SLC15A1: variants seen among roughly 807,000 people sequenced by gnomAD.
SLC15A1 encodes the protein Caco-2 oligopeptide transporter.
A neutral mutation model predicts 92.9 loss-of-function variants in SLC15A1; 83 were observed. That is an observed-to-expected ratio of 0.89 (90% confidence interval 0.75 to 1.07). SLC15A1 has a LOEUF of 1.07. Among genes scored for constraint, SLC15A1 ranks in the 50% least tolerant of loss-of-function variants. The pLI is 0.00. For missense variants in SLC15A1, 857 were observed against 880.1 expected (o/e 0.97, Z 0.33); for synonymous variants, 322 against 318.2 (o/e 1.01, Z -0.13).
At chr13:98,741,833 A>T (rs1322976798) in intron 1 of SLC15A1, among the ~76,000 whole-genome samples, 1 of 152,170 alleles carries the variant, frequency 6.6e-6, no homozygotes, top group Non-Finnish European at 1.5e-5. Context: ...TAAACACAGA[A>T]CATGCTGATG....
intron 4 of SLC15A1, among the ~76,000 whole-genome samples, chr13:98,725,069 G>T (rs1036688409): frequency 1.3e-5 from 2 of 152,080 alleles, no homozygotes; most frequent in Non-Finnish European, 2.9e-5. Flanking sequence ...GTTGAAAAGA[G>T]CCTGACACTT....
At chr13:98,710,808 CAAAAAAA>C (rs4646225) in intron 11 of SLC15A1, among the ~76,000 whole-genome samples, 5 of 71,678 alleles carry the variant, frequency 7.0e-5, no homozygotes, top group Admixed American at 1.9e-4. Flanking sequence ...ACTCTTGACT[CAAAAAAA>C]AAAAAAAAAA....
At chr13:98,687,553 T>C (rs773246276) in intron 21 of SLC15A1, 28 bp downstream of exon 21, 6 of 1,610,714 alleles carry the variant, frequency 3.7e-6, no homozygotes, top group Admixed American at 1.7e-5. Context: ...GTATTGCAGA[T>C]GGGTGGTAAA....
chr13:98,715,729 G>C (rs2297321), intron 9 of SLC15A1, 149 bp downstream of exon 9: 81,703 of 622,272 alleles, frequency 0.13, 7,770 homozygotes, highest in African/African-American at 0.38. Context: ...GTGTCTTTTT[G>C]CATTTAGAAG....
rs182164816 is a variant in SLC15A1 at position 98,749,208 on chromosome 13, C to T, written c.4+3387G>A. Among the ~76,000 whole-genome samples, 47 of 152,216 alleles carry T rather than the reference C, an allele frequency of 3.1e-4. 1 individual carries two copies. Among genetic ancestry groups the T allele is most frequent in the African/African-American group, 1.0e-3 (42 of 41,534 alleles). ...AGGAGGAGGAGAGAATGTGGAGGGA[C>T]GCACCAGGTGTGAGGGACCTTCACA... On this transcript the variant is annotated intron_variant, in intron 1 of 22. Coordinates refer to ENST00000376503, the MANE Select transcript of SLC15A1 (RefSeq NM_005073.4).
At chr13:98,726,324 C>T (rs756760866) in intron 3 of SLC15A1, 44 bp downstream of exon 3, 1 of 1,613,772 alleles carries the variant, frequency 6.2e-7, no homozygotes, top group South Asian at 1.1e-5. Context: ...GTTATGGCCA[C>T]TCCCGCTCTT....
intron 1 of SLC15A1, among the ~76,000 whole-genome samples, chr13:98,746,613 T>C (rs962022700): frequency 6.6e-6 from 1 of 152,248 alleles, no homozygotes; most frequent in Non-Finnish European, 1.5e-5. Context: ...TAAAATCTTG[T>C]CACTAGGGGC....
chr13:98,726,503 G>A (rs544876483), intron 2 of SLC15A1, 54 bp from the exon 3 acceptor site: 2 of 1,519,250 alleles, frequency 1.3e-6, no homozygotes, highest in East Asian at 4.7e-5. Context: ...CTGGTCCATA[G>A]CCACAAAGGA....
chr13:98,689,191 C>T (rs937657542), intron 18 of SLC15A1, among the ~76,000 whole-genome samples: 4 of 152,238 alleles, frequency 2.6e-5, no homozygotes, highest in Admixed American at 6.5e-5. Context: ...CTGCCCACCT[C>T]GGCCTCCCAA....
chr13:98,704,162 A>G, intron 17 of SLC15A1, 127 bp downstream of exon 17: 1 of 843,406 alleles, frequency 1.2e-6, no homozygotes, highest in Non-Finnish European at 1.8e-6. Context: ...GTGTTCCAGA[A>G]GAAGGAAGAA....
chr13:98,725,305 C>T (rs1466703129), intron 4 of SLC15A1, among the ~76,000 whole-genome samples: 1 of 152,210 alleles, frequency 6.6e-6, no homozygotes, highest in African/African-American at 2.4e-5. Flanking sequence ...CACGTCATTC[C>T]TTTGGCCTGG....
At chr13:98,702,449 T>C (rs759226587) in intron 18 of SLC15A1, 31 bp downstream of exon 18, 6 of 1,513,816 alleles carry the variant, frequency 4.0e-6, no homozygotes, top group Non-Finnish European at 5.5e-6. Flanking sequence ...AAGAATCTGA[T>C]AAAACTTAAA....
chr13:98,715,744 T>C (rs555223229), intron 9 of SLC15A1, 134 bp downstream of exon 9: 1 of 680,676 alleles, frequency 1.5e-6, no homozygotes. Flanking sequence ...TAGAAGAAGC[T>C]ACAATTTACT....
chr13:98,685,984 CAAA>C (rs869045159), intron 22 of SLC15A1, among the ~76,000 whole-genome samples: 5 of 103,238 alleles, frequency 4.8e-5, no homozygotes, highest in Admixed American at 2.1e-4. Context: ...GACTCCGTCT[CAAA>C]AAAAAAAAAA....
chr13:98,735,491 A>G (rs543375000), intron 1 of SLC15A1, among the ~76,000 whole-genome samples: 1 of 152,372 alleles, frequency 6.6e-6, no homozygotes, highest in South Asian at 2.1e-4. Context: ...GGCCAGGGCA[A>G]TCAGGCAAGA....
Position 98,704,453 on chromosome 13 carries a change from G to T in SLC15A1, c.1270-18C>A. ...GCATTTGTCTATAGAGGGAGGGAAAGAGGCATAGTTAATATCACAGAGTCT... is the reference window on the plus strand; with the variant it reads ...GCATTTGTCTATAGAGGGAGGGAAATAGGCATAGTTAATATCACAGAGTCT... On this transcript the variant is annotated intron_variant, in intron 16 of 22. Coordinates refer to ENST00000376503, the MANE Select transcript of SLC15A1 (RefSeq NM_005073.4). The T allele has an allele frequency of 6.3e-7, 1 of 1,587,306 alleles. No individual in the cohort carries two copies.
chr13:98,688,571 T>C lies in SLC15A1; in HGVS notation c.1473A>G (p.Val491=), dbSNP rs1259378589. ...PEKGENGIRF[V]NTFNELITIT... Reference sequence around the variant, plus strand: ...TGGTGATGAGCTCGTTAAAAGTATTTACAAATCTGAAACAGAAAACCATCT... The same window carrying C: ...TGGTGATGAGCTCGTTAAAAGTATTCACAAATCTGAAACAGAAAACCATCT... Residue 491 remains valine (V), a synonymous_variant, in exon 19 of 23, where the codon GTA becomes GTG. Coordinates refer to ENST00000376503, the MANE Select transcript of SLC15A1 (RefSeq NM_005073.4). 10 of 1,611,938 alleles carry C rather than the reference T, an allele frequency of 6.2e-6. No homozygotes were observed. The highest frequency in any genetic ancestry group is 1.3e-5 in the African/African-American group (1 of 74,886).
At chr13:98,730,497 G>A (rs968767346) in intron 1 of SLC15A1, among the ~76,000 whole-genome samples, 13 of 152,166 alleles carry the variant, frequency 8.5e-5, no homozygotes, top group African/African-American at 2.7e-4. Context: ...CACCAAGAGC[G>A]AGGGCCATGG....
intron 17 of SLC15A1, among the ~76,000 whole-genome samples, chr13:98,703,708 C>T (rs906309607): frequency 1.3e-5 from 2 of 151,874 alleles, no homozygotes; most frequent in African/African-American, 4.8e-5. Context: ...AGGCATGCAC[C>T]ACCACACTCA....
Sources: allele counts gnomAD v4.1 joint callset (sites outside exome capture counted in the v4.1 genomes callset), GRCh38; gene constraint gnomAD v4.1.1; transcripts MANE v1.5; gene names NCBI Gene and HGNC (gene_info 2026-07-23, HGNC 2026-07-21).